The following TMEFF2 variants were observed in gnomAD, a reference collection of about 807,000 sequenced individuals.
TMEFF2 encodes the protein transmembrane protein with EGF like and two follistatin like domains 2.
In TMEFF2, 28 loss-of-function variants were observed where a neutral mutation model predicts 53.8. The ratio of observed to expected loss-of-function variants is 0.52; its 90% CI spans 0.39 to 0.71. The LOEUF is 0.71. Ranked by LOEUF, TMEFF2 falls within the 30% of genes least tolerant of loss-of-function variation. The pLI is 0.00. For missense variants in TMEFF2, 353 were observed against 455.2 expected (o/e 0.78, Z 2.04); for synonymous variants, 162 against 166.3 (o/e 0.97, Z 0.20).
intron 4 of TMEFF2, among the ~76,000 whole-genome samples, chr2:192,151,362 A>G (rs765528598): frequency 6.6e-6 from 1 of 151,928 alleles, no homozygotes; most frequent in Non-Finnish European, 1.5e-5. Context: ...GTAACTTTTG[A>G]GAACCATTGG....
At chr2:192,094,999 T>G (rs914458287) in intron 4 of TMEFF2, among the ~76,000 whole-genome samples, 6 of 152,034 alleles carry the variant, frequency 3.9e-5, no homozygotes, top group Admixed American at 6.6e-5. Flanking sequence ...CTTACTGCTA[T>G]TTTTAGCAGT....
intron 4 of TMEFF2, among the ~76,000 whole-genome samples, chr2:192,093,553 G>A (rs1482273778): frequency 6.6e-6 from 1 of 152,110 alleles, no homozygotes; most frequent in Non-Finnish European, 1.5e-5. Context: ...GGATGCAAGT[G>A]CCAAATCTGA....
At chr2:191,991,902 TAC>T (rs1448367281) in intron 7 of TMEFF2, among the ~76,000 whole-genome samples, 1 of 152,096 alleles carries the variant, frequency 6.6e-6, no homozygotes, top group African/African-American at 2.4e-5. Flanking sequence ...AACATAATAT[TAC>T]AGATGACTGG....
chr2:192,186,962 G>A (rs1401101051), intron 2 of TMEFF2, among the ~76,000 whole-genome samples: 3 of 152,062 alleles, frequency 2.0e-5, no homozygotes, highest in Admixed American at 1.3e-4. Context: ...AGCCAAATTC[G>A]AACAGTTCTA....
chr2:191,990,908 A>T (rs1686089798), intron 7 of TMEFF2, among the ~76,000 whole-genome samples: 1 of 152,036 alleles, frequency 6.6e-6, no homozygotes, highest in South Asian at 2.1e-4. Flanking sequence ...AGGTCCTCTA[A>T]ACATATGGAC....
chr2:192,188,059 A>G (rs749463720), intron 2 of TMEFF2, among the ~76,000 whole-genome samples: 35 of 152,222 alleles, frequency 2.3e-4, no homozygotes, highest in Admixed American at 3.9e-4. Context: ...CTTAAGAAGA[A>G]TGGCTTGGGA....
chr2:191,987,565 C>G (rs766916093), intron 7 of TMEFF2, among the ~76,000 whole-genome samples: 2 of 152,076 alleles, frequency 1.3e-5, no homozygotes, highest in African/African-American at 2.4e-5. Context: ...TGCCACCACA[C>G]CCAGCTAATT....
At chr2:192,071,741 C>A (rs751515829) in intron 4 of TMEFF2, among the ~76,000 whole-genome samples, 25 of 151,798 alleles carry the variant, frequency 1.6e-4, no homozygotes, top group Non-Finnish European at 3.1e-4. Context: ...CGTAAATAAT[C>A]CTTATACTGT....
intron 5 of TMEFF2, chr2:192,029,028 A>C (rs1230925570): frequency 6.6e-6 from 1 of 152,164 alleles, no homozygotes; most frequent in African/African-American, 2.4e-5. Flanking sequence ...TTTCTTTTGC[A>C]TTGGGCCCCA....
chr2:191,949,827 A>T lies in TMEFF2; in HGVS notation c.*484T>A. 1 of 985,554 alleles carries T rather than the reference A, an allele frequency of 1.0e-6. No homozygotes were observed. The highest frequency in any genetic ancestry group is 1.2e-6 in the Non-Finnish European group (1 of 829,948). 61.1% of individuals were successfully genotyped at this position (985,554 alleles called of 1,614,324 possible). A position where few individuals can be genotyped will look rare whatever the true frequency, so the allele number is the denominator to read the frequency against. ...ATCCTCACTCGATATAAAGTAAATT[A>T]TTTTTTCTCTTTTCCAATAACCATC... On this transcript the variant is annotated 3_prime_UTR_variant, in exon 10 of 10. Coordinates refer to ENST00000272771, the MANE Select transcript of TMEFF2 (RefSeq NM_016192.4).
intron 4 of TMEFF2, among the ~76,000 whole-genome samples, chr2:192,061,111 C>T (rs1167688524): frequency 6.6e-6 from 1 of 152,180 alleles, no homozygotes; most frequent in Non-Finnish European, 1.5e-5. Flanking sequence ...GCTGGTCCTA[C>T]ATGATGATGT....
intron 4 of TMEFF2, among the ~76,000 whole-genome samples, chr2:192,137,887 C>A (rs72918177): frequency 0.38 from 57,435 of 151,258 alleles, 12,458 homozygotes; most frequent in East Asian, 0.77. Flanking sequence ...ACTGCAACCT[C>A]CACCCCCACA....
At position 191,949,662 on chromosome 2, in the gene TMEFF2, A is replaced by ATGAG. The variant is rs781137846; in HGVS notation, c.*645_*648dup. The ATGAG allele has an allele frequency of 2.0e-5, 20 of 985,234 alleles. No individual in the cohort carries two copies. The highest frequency in any genetic ancestry group is 2.4e-5 in the Non-Finnish European group (20 of 829,854). 61.0% of individuals were successfully genotyped at this position (985,234 alleles called of 1,614,324 possible). A position where few individuals can be genotyped will look rare whatever the true frequency, so the allele number is the denominator to read the frequency against. On this transcript the variant is annotated 3_prime_UTR_variant, in exon 10 of 10. Coordinates refer to ENST00000272771, the MANE Select transcript of TMEFF2 (RefSeq NM_016192.4). ...CCAATATTTTCTTTCCCTCTCCTTT[A>ATGAG]TGAGTTATAAAACACTTTCCCTCCC...
At chr2:192,075,135 G>A (rs1415095072) in intron 4 of TMEFF2, among the ~76,000 whole-genome samples, 1 of 150,854 alleles carries the variant, frequency 6.6e-6, no homozygotes, top group African/African-American at 2.4e-5. Context: ...ACTCGAACTA[G>A]GCACAGAAGG....
chr2:191,999,400 AAAC>A (rs1425672176), intron 5 of TMEFF2, among the ~76,000 whole-genome samples, 192 bp from the exon 6 acceptor site: 1 of 132,410 alleles, frequency 7.6e-6, no homozygotes, highest in Non-Finnish European at 1.6e-5. Flanking sequence ...AAAATAATTC[AAAC>A]AACTGAGCAA....
At chr2:192,151,532 A>G (rs1230993046) in intron 4 of TMEFF2, among the ~76,000 whole-genome samples, 1 of 151,816 alleles carries the variant, frequency 6.6e-6, no homozygotes, top group Non-Finnish European at 1.5e-5. Context: ...GGGAAAGACG[A>G]GTTTGCTTTT....
chr2:192,159,274 G>A (rs1260315740), intron 4 of TMEFF2, among the ~76,000 whole-genome samples: 1 of 152,128 alleles, frequency 6.6e-6, no homozygotes, highest in Non-Finnish European at 1.5e-5. Flanking sequence ...GAGTGTTGAG[G>A]GGGGGATCAA....
chr2:191,998,207 C>A lies in TMEFF2; in HGVS notation c.745+55G>T. ...GAATAAGTAGTAAACAACCATTTCC[C>A]AGGACTCTCTTTTAATAGAAGAGCT... On this transcript the variant is annotated intron_variant, in intron 7 of 9. Transcript: ENST00000272771. 3 of 1,375,638 alleles carry A rather than the reference C, an allele frequency of 2.2e-6. No individual in the cohort carries two copies. The South Asian group carries it at 3.8e-5, about 17-fold the overall frequency. 85.2% of individuals were successfully genotyped at this position (1,375,638 alleles called of 1,614,324 possible).
intron 2 of TMEFF2, among the ~76,000 whole-genome samples, chr2:192,186,580 A>T (rs1411353756): frequency 6.6e-6 from 1 of 152,116 alleles, no homozygotes; most frequent in Non-Finnish European, 1.5e-5. Context: ...TGACATAATG[A>T]TCGATAGACT....
Sources: gnomAD v4.1 joint callset for allele counts (sites outside exome capture counted in the v4.1 genomes callset) on GRCh38, gnomAD v4.1.1 for gene constraint, MANE v1.5 for transcripts, NCBI Gene and HGNC (gene_info 2026-07-23, HGNC 2026-07-21) for gene names.